Variants in KCNQ3 observed in about 807,000 individuals in gnomAD.
The protein encoded by KCNQ3 is potassium voltage-gated channel subfamily KQT member 3.
KCNQ3 carries 30 observed loss-of-function variants against 92.5 expected under a neutral mutation model. That is an observed-to-expected ratio of 0.32 (90% confidence interval 0.24 to 0.44). The LOEUF (loss-of-function observed/expected upper bound fraction) is 0.44. KCNQ3 is among the 20% of genes least tolerant of loss of function. KCNQ3 has a pLI of 1.00. For synonymous variants in KCNQ3, 450 were observed against 468.8 expected, an observed-to-expected ratio of 0.96 and a Z score of 0.52; for missense variants, 913 against 1,140.3, an observed-to-expected ratio of 0.80 and a Z score of 2.87.
intron 5 of KCNQ3, 132 bp downstream of exon 5, chr8:132,175,321 A>C: frequency 1.0e-6 from 1 of 1,002,846 alleles, no homozygotes; most frequent in African/African-American, 1.6e-5. Context: ...TTCTGAGCTG[A>C]AATTGGTCTA....
At chr8:132,423,111 G>A (rs938228930) in intron 1 of KCNQ3, among the ~76,000 whole-genome samples, 2 of 152,024 alleles carry the variant, frequency 1.3e-5, no homozygotes, top group Non-Finnish European at 2.9e-5. Context: ...GACAAAATGG[G>A]TATTACCATG....
intron 1 of KCNQ3, among the ~76,000 whole-genome samples, chr8:132,251,934 A>G (rs1815424634): frequency 6.6e-6 from 1 of 152,228 alleles, no homozygotes; most frequent in African/African-American, 2.4e-5. Flanking sequence ...AGATGAAAGT[A>G]TTCTTCTCTT....
chr8:132,164,021 T>TAGGAGGCAGCAAAGTC (rs1282061175), intron 8 of KCNQ3, among the ~76,000 whole-genome samples: 1 of 152,144 alleles, frequency 6.6e-6, no homozygotes. Context: ...GGCTCACAGT[T>TAGGAGGCAGCAAAGTC]AGGAGGCAGC....
intron 1 of KCNQ3, among the ~76,000 whole-genome samples, chr8:132,455,893 C>G (rs1212095398): frequency 6.6e-6 from 1 of 152,104 alleles, no homozygotes; most frequent in Non-Finnish European, 1.5e-5. Context: ...AGGCACCCAC[C>G]ACCAAGCCTG....
chr8:132,277,039 T>C (rs549516979), intron 1 of KCNQ3, among the ~76,000 whole-genome samples: 18 of 151,912 alleles, frequency 1.2e-4, no homozygotes, highest in African/African-American at 4.3e-4. Flanking sequence ...TGAAACTGGA[T>C]TAAAGATGGC....
intron 1 of KCNQ3, among the ~76,000 whole-genome samples, chr8:132,364,429 C>T (rs1345073938): frequency 6.6e-6 from 1 of 152,180 alleles, no homozygotes; most frequent in Admixed American, 6.5e-5. Flanking sequence ...ATCTGCCTTT[C>T]ACTGAGAAAA....
chr8:132,331,700 C>T lies in KCNQ3; in HGVS notation c.387-145519G>A, dbSNP rs538854646. On this transcript the variant is annotated intron_variant, in intron 1 of 14. Coordinates refer to ENST00000388996, the MANE Select transcript of KCNQ3 (RefSeq NM_004519.4). ...GGAATTTAGCATTGTAAAGGAGACA[C>T]AGCATAGTATAATGGGATATAAATA... is the stretch of plus-strand genomic sequence containing the variant. Among the ~76,000 whole-genome samples the T allele has an allele frequency of 1.9e-3, 291 of 152,300 alleles. 2 individuals are homozygous for T. Among genetic ancestry groups the T allele is most frequent in the Middle Eastern group, 6.8e-3 (2 of 294 alleles).
chr8:132,290,084 C>A (rs1338772392), intron 1 of KCNQ3, among the ~76,000 whole-genome samples: 1 of 152,180 alleles, frequency 6.6e-6, no homozygotes, highest in East Asian at 1.9e-4. Context: ...GAGGCCAACA[C>A]AAAAGCTCAT....
At chr8:132,196,300 T>C (rs1259292238) in intron 1 of KCNQ3, among the ~76,000 whole-genome samples, 1 of 152,222 alleles carries the variant, frequency 6.6e-6, no homozygotes, top group African/African-American at 2.4e-5. Context: ...AGACATTCCA[T>C]TGTCCCCTAG....
intron 3 of KCNQ3, among the ~76,000 whole-genome samples, chr8:132,181,707 GTC>G (rs1283050396): frequency 6.6e-6 from 1 of 152,046 alleles, no homozygotes; most frequent in Non-Finnish European, 1.5e-5. Context: ...GTGTGTTCTG[GTC>G]TCTCAGCTTG....
intron 1 of KCNQ3, among the ~76,000 whole-genome samples, chr8:132,468,050 CCT>C (rs940771884): frequency 6.6e-6 from 1 of 152,194 alleles, no homozygotes; most frequent in African/African-American, 2.4e-5. Context: ...CTGTCAAGCG[CCT>C]CTCTCTCTGT....
At chr8:132,225,938 C>A (rs1014821833) in intron 1 of KCNQ3, among the ~76,000 whole-genome samples, 2 of 152,126 alleles carry the variant, frequency 1.3e-5, no homozygotes, top group Non-Finnish European at 2.9e-5. Flanking sequence ...GAAGCCTACT[C>A]CCTACTTTGA....
intron 1 of KCNQ3, among the ~76,000 whole-genome samples, chr8:132,230,449 CA>C (rs1460380416): frequency 2.8e-5 from 4 of 142,362 alleles, no homozygotes; most frequent in African/African-American, 1.0e-4. Context: ...GAGAGAGAGA[CA>C]GAGAGAGAGA....
At chr8:132,130,601 A>G (rs752527919) in intron 14 of KCNQ3, among the ~76,000 whole-genome samples, 1 of 152,192 alleles carries the variant, frequency 6.6e-6, no homozygotes, top group Non-Finnish European at 1.5e-5. Context: ...TGTGTCCCCT[A>G]GAGGAGGAAG....
intron 1 of KCNQ3, among the ~76,000 whole-genome samples, chr8:132,186,929 T>TGAGAGAGAGAGAGAGAGAGAGAGAGA (rs752305044): frequency 1.4e-4 from 14 of 98,578 alleles, no homozygotes; most frequent in East Asian, 5.3e-4. Flanking sequence ...TGTGTGTGTG[T>TGAGAGAGAGAGAGAGAGAGAGAGAGA]GTGTGAGAGA....
intron 1 of KCNQ3, among the ~76,000 whole-genome samples, chr8:132,280,517 C>T (rs55932743): frequency 8.5e-5 from 13 of 152,254 alleles, no homozygotes; most frequent in Admixed American, 2.6e-4. Context: ...ATAGCGGGAA[C>T]AGCAACAAGC....
chr8:132,415,047 T>A (rs1269229747), intron 1 of KCNQ3, among the ~76,000 whole-genome samples: 3 of 152,144 alleles, frequency 2.0e-5, no homozygotes, highest in Non-Finnish European at 4.4e-5. Context: ...CCTGATTGCA[T>A]CAGCTCACCA....
rs138248306 is a variant in KCNQ3 at position 132,369,618 on chromosome 8, G to C, written c.386+110529C>G. On this transcript the variant is annotated intron_variant, in intron 1 of 14. Coordinates refer to ENST00000388996, the MANE Select transcript of KCNQ3 (RefSeq NM_004519.4). ...ACACACACACAATCACACAATGGGG[G>C]GTTGTCAAAGAGACACAGGAGCCAA... 9.9e-4 allele frequency among the ~76,000 whole-genome samples: 150 copies of C among 151,902 alleles called. 1 individual carries two copies. The highest frequency in any genetic ancestry group is 3.5e-3 in the African/African-American group (144 of 41,418).
chr8:132,379,537 G>A (rs1481786237), intron 1 of KCNQ3, among the ~76,000 whole-genome samples: 1 of 152,124 alleles, frequency 6.6e-6, no homozygotes, highest in Non-Finnish European at 1.5e-5. Flanking sequence ...CCCACAAGGT[G>A]AGGTCTTTTT....
Sources: gnomAD v4.1 joint callset for allele counts (sites outside exome capture counted in the v4.1 genomes callset) on GRCh38, gnomAD v4.1.1 for gene constraint, MANE v1.5 for transcripts, NCBI Gene and HGNC (gene_info 2026-07-23, HGNC 2026-07-21) for gene names.